The following TMEM163 variants were observed in gnomAD, a reference collection of about 807,000 sequenced individuals.
TMEM163 encodes the protein transmembrane protein 163.
A neutral mutation model predicts 29.3 loss-of-function variants in TMEM163; 17 were observed. That is an observed-to-expected ratio of 0.58 (90% CI 0.40 to 0.87). The LOEUF is 0.87. Among genes scored for constraint, TMEM163 ranks in the 40% least tolerant of loss-of-function variants. The pLI is 0.00. For missense variants in TMEM163, 303 were observed against 381.5 expected (o/e 0.79, Z 1.71); for synonymous variants, 157 against 160.6 (o/e 0.98, Z 0.17).
chr2:134,572,039 C>T (rs1681442511), intron 2 of TMEM163, among the ~76,000 whole-genome samples: 1 of 152,208 alleles, frequency 6.6e-6, no homozygotes, highest in Non-Finnish European at 1.5e-5. Flanking sequence ...AAGGGCCAAC[C>T]TTGCAAGCAG....
At chr2:134,711,839 A>T (rs972563438) in intron 2 of TMEM163, among the ~76,000 whole-genome samples, 2 of 152,234 alleles carry the variant, frequency 1.3e-5, no homozygotes, top group Non-Finnish European at 2.9e-5. Context: ...TATCAGGCAC[A>T]TGGACACGTC....
intron 2 of TMEM163, among the ~76,000 whole-genome samples, chr2:134,676,524 C>A (rs150086701): frequency 0.017 from 2,540 of 152,196 alleles, 55 homozygotes; most frequent in African/African-American, 0.058. Context: ...CCATACAATT[C>A]ACTGATTTCC....
chr2:134,543,397 T>C (rs973779434), intron 4 of TMEM163, among the ~76,000 whole-genome samples: 6 of 152,242 alleles, frequency 3.9e-5, no homozygotes, highest in African/African-American at 1.4e-4. Context: ...GTTCTGCTCT[T>C]GAGTTAAAAC....
chr2:134,708,537 A>G (rs1211673005), intron 2 of TMEM163, among the ~76,000 whole-genome samples: 1 of 151,654 alleles, frequency 6.6e-6, no homozygotes, highest in Admixed American at 6.6e-5. Context: ...TCTTAAATCT[A>G]CAGCTGCACC....
At chr2:134,595,305 C>T (rs1232940191) in intron 2 of TMEM163, among the ~76,000 whole-genome samples, 2 of 152,060 alleles carry the variant, frequency 1.3e-5, no homozygotes, top group African/African-American at 4.8e-5. Flanking sequence ...TGATGTTCCC[C>T]TTCCTGTGTC....
chr2:134,482,900 C>T (rs1471730981), intron 5 of TMEM163, among the ~76,000 whole-genome samples: 1 of 152,116 alleles, frequency 6.6e-6, no homozygotes, highest in African/African-American at 2.4e-5. Context: ...GGTGGGCTTC[C>T]CAGCAGACTG....
intron 5 of TMEM163, among the ~76,000 whole-genome samples, chr2:134,486,660 TAA>T (rs1249484140): frequency 3.9e-5 from 6 of 152,186 alleles, no homozygotes; most frequent in African/African-American, 1.2e-4. Context: ...TAAATTCTAC[TAA>T]AACTCAAAGG....
chr2:134,486,893 C>A (rs766988906), intron 5 of TMEM163, among the ~76,000 whole-genome samples: 2 of 152,080 alleles, frequency 1.3e-5, no homozygotes, highest in Non-Finnish European at 2.9e-5. Context: ...TTCAAAGATG[C>A]CTTATTAGAA....
At chr2:134,568,389 T>C (rs1394866349) in intron 2 of TMEM163, among the ~76,000 whole-genome samples, 1 of 151,770 alleles carries the variant, frequency 6.6e-6, no homozygotes, top group Non-Finnish European at 1.5e-5. Flanking sequence ...TACCCAGACA[T>C]GGTGGTGGGT....
At chr2:134,580,388 A>G (rs145519666) in intron 2 of TMEM163, among the ~76,000 whole-genome samples, 2 of 152,362 alleles carry the variant, frequency 1.3e-5, no homozygotes, top group East Asian at 1.9e-4. Context: ...GTCAAGCCCA[A>G]TTAAGCAGGC....
chr2:134,503,082 A>ACAGTGACAAAGACAC, intron 4 of TMEM163, 85 bp from the exon 5 acceptor site: 3 of 1,319,532 alleles, frequency 2.3e-6, no homozygotes, highest in Non-Finnish European at 3.2e-6. Flanking sequence ...ACAAAGACAC[A>ACAGTGACAAAGACAC]ATCTGGGAAT....
chr2:134,692,035 G>A (rs779867865), intron 2 of TMEM163, among the ~76,000 whole-genome samples: 8 of 152,194 alleles, frequency 5.3e-5, no homozygotes, highest in Non-Finnish European at 1.0e-4. Flanking sequence ...GCCATCACAA[G>A]TGTCCTCATA....
chr2:134,522,922 C>T (rs184682957), intron 4 of TMEM163, among the ~76,000 whole-genome samples: 13 of 152,318 alleles, frequency 8.5e-5, no homozygotes, highest in South Asian at 4.1e-4. Flanking sequence ...TTTGAGCAGA[C>T]GTTGTGATGC....
chr2:134,469,139 G>A (rs951217111), intron 5 of TMEM163: 5 of 152,144 alleles, frequency 3.3e-5, no homozygotes, highest in African/African-American at 1.2e-4. Flanking sequence ...AAATAAGTAT[G>A]CATGGTGAAA....
At chr2:134,575,445 G>A (rs891339842) in intron 2 of TMEM163, among the ~76,000 whole-genome samples, 1 of 152,120 alleles carries the variant, frequency 6.6e-6, no homozygotes, top group African/African-American at 2.4e-5. Context: ...TCAATGCTAG[G>A]GGCCTGCGGT....
At chr2:134,664,681 C>T (rs1005149736) in intron 2 of TMEM163, among the ~76,000 whole-genome samples, 14 of 152,122 alleles carry the variant, frequency 9.2e-5, no homozygotes, top group African/African-American at 2.7e-4. Flanking sequence ...AGATTGCAGT[C>T]GTGTGGTCAC....
At chr2:134,589,155 A>C (rs918580867) in intron 2 of TMEM163, among the ~76,000 whole-genome samples, 3 of 152,214 alleles carry the variant, frequency 2.0e-5, no homozygotes, top group Non-Finnish European at 4.4e-5. Flanking sequence ...TCTGAGGTAC[A>C]GGTAGAATAC....
chr2:134,493,204 ATTC>A, intron 5 of TMEM163, among the ~76,000 whole-genome samples: 1 of 151,906 alleles, frequency 6.6e-6, no homozygotes, highest in Non-Finnish European at 1.5e-5. Context: ...TTCTTAAGCT[ATTC>A]TTTACACATT....
chr2:134,500,264 G>T (rs1295922303), intron 5 of TMEM163, among the ~76,000 whole-genome samples: 2 of 152,182 alleles, frequency 1.3e-5, no homozygotes, highest in African/African-American at 4.8e-5. Context: ...TTGGATTACT[G>T]CAGGCCAGAG....
Sources: allele counts gnomAD v4.1 joint callset (sites outside exome capture counted in the v4.1 genomes callset), GRCh38; gene constraint gnomAD v4.1.1; transcripts MANE v1.5; gene names NCBI Gene and HGNC (gene_info 2026-07-23, HGNC 2026-07-21).